Variants in GPHN observed in about 807,000 individuals in gnomAD.
The protein encoded by GPHN is gephyrin.
Under a neutral mutation model 95.5 loss-of-function variants are expected in GPHN, and 17 were observed. The observed-to-expected ratio is 0.18, with a 90% CI of 0.12 to 0.27. GPHN has a LOEUF of 0.27. GPHN is among the 10% of genes least tolerant of loss of function. GPHN has a pLI of 1.00. For synonymous variants in GPHN, 320 were observed against 322.5 expected (o/e 0.99, Z 0.08); for missense variants, 660 against 978.1 (o/e 0.67, Z 4.34).
intron 1 of GPHN, among the ~76,000 whole-genome samples, chr14:66,605,667 G>T (rs1392966124): frequency 6.6e-6 from 1 of 151,368 alleles, no homozygotes; most frequent in Non-Finnish European, 1.5e-5. Flanking sequence ...GTAGCTGGGA[G>T]TATAGGTGCC....
intron 19 of GPHN, among the ~76,000 whole-genome samples, chr14:67,162,131 AC>A (rs1567429856): frequency 3.3e-5 from 5 of 152,234 alleles, no homozygotes; most frequent in Non-Finnish European, 7.3e-5. Flanking sequence ...ATGCATAATA[AC>A]AAAATATTTT....
the GPHN span, among the ~76,000 whole-genome samples, chr14:67,516,900 T>G: frequency 6.6e-6 from 1 of 152,220 alleles, no homozygotes; most frequent in Non-Finnish European, 1.5e-5. Context: ...TGGCAGGAAC[T>G]CTAGACTTCC....
intron 1 of GPHN, among the ~76,000 whole-genome samples, chr14:66,644,382 C>T (rs770828422): frequency 2.8e-4 from 42 of 152,056 alleles, no homozygotes; most frequent in Non-Finnish European, 4.7e-4. Context: ...CTACCCACAT[C>T]AGTATCTTTT....
chr14:67,677,628 T>C, the GPHN span: 9 of 152,254 alleles, frequency 5.9e-5, no homozygotes, highest in East Asian at 7.7e-4. Flanking sequence ...GTTACCAACA[T>C]ATACAGAATC....
At chr14:66,680,269 C>A (rs1465550510) in intron 1 of GPHN, among the ~76,000 whole-genome samples, 1 of 152,058 alleles carries the variant, frequency 6.6e-6, no homozygotes, top group Non-Finnish European at 1.5e-5. Context: ...TCCTCTGGCT[C>A]CCCACCCACT....
intron 3 of GPHN, among the ~76,000 whole-genome samples, chr14:66,810,328 A>G (rs2060707428): frequency 6.6e-6 from 1 of 150,872 alleles, no homozygotes; most frequent in Admixed American, 6.6e-5. Context: ...AGGGCTAAAT[A>G]TTAGTAAACT....
chr14:66,660,908 C>T (rs143481320), intron 1 of GPHN, among the ~76,000 whole-genome samples: 3 of 152,262 alleles, frequency 2.0e-5, no homozygotes, highest in Non-Finnish European at 4.4e-5. Flanking sequence ...CCATGCCCCT[C>T]CCACAGATCT....
chr14:66,639,398 C>A lies in GPHN; in HGVS notation c.65-41709C>A, dbSNP rs966388188. Among the ~76,000 whole-genome samples the A allele has an allele frequency of 5.3e-5, 8 of 152,152 alleles. No homozygotes were observed. The South Asian group carries it at 1.7e-3, about 32-fold the overall frequency. ...TAGAGATGTATTTGACATCTGGAAT[C>A]AATATGTACAAGATGGATGTGTCTC... On this transcript the variant is annotated intron_variant, in intron 1 of 22. Coordinates refer to ENST00000478722, the MANE Select transcript of GPHN (RefSeq NM_020806.5).
At chr14:66,792,182 G>T (rs111756462) in intron 3 of GPHN, among the ~76,000 whole-genome samples, 1 of 152,012 alleles carries the variant, frequency 6.6e-6, no homozygotes, top group Non-Finnish European at 1.5e-5. Flanking sequence ...TAAGAATGTC[G>T]TAACTCCTGG....
At chr14:67,419,089 C>T in the GPHN span, among the ~76,000 whole-genome samples, 2 of 152,220 alleles carry the variant, frequency 1.3e-5, no homozygotes, top group Admixed American at 6.5e-5. Context: ...GCTGTGTGCA[C>T]GGGCAGGGCT....
At chr14:67,265,527 C>G in the GPHN span, among the ~76,000 whole-genome samples, 13 of 152,144 alleles carry the variant, frequency 8.5e-5, no homozygotes, top group Non-Finnish European at 1.8e-4. Flanking sequence ...TGCACTCCAG[C>G]CTGGGCAACA....
chr14:66,693,165 T>G (rs1211414759), intron 2 of GPHN, among the ~76,000 whole-genome samples: 2 of 152,148 alleles, frequency 1.3e-5, no homozygotes, highest in Non-Finnish European at 2.9e-5. Context: ...AATCTCTGGC[T>G]TAATAAAAGA....
At chr14:67,535,589 C>T in the GPHN span, among the ~76,000 whole-genome samples, 1 of 151,970 alleles carries the variant, frequency 6.6e-6, no homozygotes, top group South Asian at 2.1e-4. Flanking sequence ...ACCATGTTGG[C>T]CAGTCTGGTT....
the GPHN span, chr14:67,323,615 AATATATAT>A: frequency 1.2e-5 from 3 of 258,784 alleles, 1 homozygote; most frequent in Non-Finnish European, 2.1e-5. Context: ...CCCTTAATCT[AATATATAT>A]ATATATATAT....
the GPHN span, among the ~76,000 whole-genome samples, chr14:67,422,847 T>C: frequency 6.7e-6 from 1 of 150,248 alleles, no homozygotes; most frequent in Non-Finnish European, 1.5e-5. Flanking sequence ...TTTTTTTTTT[T>C]TGAGATGGAG....
intron 17 of GPHN, among the ~76,000 whole-genome samples, chr14:67,139,852 C>A (rs2080345395): frequency 6.6e-6 from 1 of 152,040 alleles, no homozygotes. Flanking sequence ...ACTGGCCCAG[C>A]AGTGACAATG....
At chr14:66,820,116 A>G (rs1255059638) in intron 3 of GPHN, among the ~76,000 whole-genome samples, 2 of 152,154 alleles carry the variant, frequency 1.3e-5, no homozygotes, top group Non-Finnish European at 2.9e-5. Flanking sequence ...GGATTGGTTG[A>G]ATCCTTGCTA....
At chr14:67,318,429 T>C in the GPHN span, among the ~76,000 whole-genome samples, 4 of 151,600 alleles carry the variant, frequency 2.6e-5, no homozygotes, top group African/African-American at 7.3e-5. Flanking sequence ...TAATATCTCT[T>C]TTATTTTTTG....
chr14:66,942,401 T>C (rs1168773433), intron 8 of GPHN, among the ~76,000 whole-genome samples: 1 of 152,220 alleles, frequency 6.6e-6, no homozygotes, highest in Admixed American at 6.5e-5. Context: ...CCAATGTCAC[T>C]ATCTCCAAAG....
Sources: allele counts gnomAD v4.1 joint callset (sites outside exome capture counted in the v4.1 genomes callset), GRCh38; gene constraint gnomAD v4.1.1; transcripts MANE v1.5; gene names NCBI Gene and HGNC (gene_info 2026-07-23, HGNC 2026-07-21).